Variants in ZNF804B observed in about 807,000 individuals in gnomAD.
ZNF804B encodes the protein zinc finger 804B.
In ZNF804B, 80 loss-of-function variants were observed where a neutral mutation model predicts 101.4. The ratio of observed to expected loss-of-function variants is 0.79; its 90% CI spans 0.66 to 0.95. The LOEUF is 0.95. Among genes scored for constraint, ZNF804B ranks in the 40% least tolerant of loss-of-function variants. The pLI is 0.00. For missense variants in ZNF804B, 1,673 were observed against 1,561.9 expected (o/e 1.07, Z -1.20); for synonymous variants, 622 against 558.8 (o/e 1.11, Z -1.59).
At chr7:88,824,511 T>G (rs181815433) in intron 1 of ZNF804B, among the ~76,000 whole-genome samples, 1 of 152,290 alleles carries the variant, frequency 6.6e-6, no homozygotes, top group Non-Finnish European at 1.5e-5. Flanking sequence ...TCTCAGGTAT[T>G]TCTTCATAGC....
intron 1 of ZNF804B, among the ~76,000 whole-genome samples, chr7:88,976,125 C>A (rs551754034): frequency 6.6e-6 from 1 of 151,342 alleles, no homozygotes; most frequent in Admixed American, 6.6e-5. Context: ...TTCCATTGGT[C>A]TGTAGCATAA....
chr7:89,204,828 A>G (rs919084267), intron 1 of ZNF804B, among the ~76,000 whole-genome samples: 3 of 152,210 alleles, frequency 2.0e-5, no homozygotes, highest in African/African-American at 4.8e-5. Context: ...AGAAAAAGCA[A>G]GTACACATAG....
At chr7:88,828,984 C>T (rs1439900014) in intron 1 of ZNF804B, among the ~76,000 whole-genome samples, 1 of 152,122 alleles carries the variant, frequency 6.6e-6, no homozygotes, top group Non-Finnish European at 1.5e-5. Flanking sequence ...AGCTACTGAA[C>T]TGTTATGTGG....
intron 1 of ZNF804B, among the ~76,000 whole-genome samples, chr7:89,061,914 A>G (rs538429017): frequency 9.2e-5 from 14 of 152,084 alleles, no homozygotes; most frequent in African/African-American, 3.4e-4. Context: ...TCTGTATACT[A>G]TATGTATACT....
intron 2 of ZNF804B, among the ~76,000 whole-genome samples, chr7:89,267,254 T>A (rs117064434): frequency 0.033 from 5,007 of 152,218 alleles, 112 homozygotes; most frequent in Non-Finnish European, 0.048. Flanking sequence ...ATTCCCTCTC[T>A]CCTTTGTGAA....
intron 1 of ZNF804B, among the ~76,000 whole-genome samples, chr7:89,104,003 C>A (rs1790097900): frequency 6.6e-6 from 1 of 151,684 alleles, no homozygotes; most frequent in South Asian, 2.1e-4. Flanking sequence ...GGTTTTTGTT[C>A]TCAGCATTGT....
intron 1 of ZNF804B, among the ~76,000 whole-genome samples, chr7:88,908,729 G>C (rs1384167309): frequency 3.3e-5 from 5 of 151,680 alleles, no homozygotes; most frequent in African/African-American, 1.2e-4. Context: ...AGTGTCATCT[G>C]ACTATTTTTA....
intron 1 of ZNF804B, among the ~76,000 whole-genome samples, chr7:89,112,763 A>G (rs1376050984): frequency 6.6e-6 from 1 of 152,194 alleles, no homozygotes; most frequent in Non-Finnish European, 1.5e-5. Context: ...TTAAGTAAAG[A>G]GTGAAGAGAG....
chr7:88,775,259 G>T (rs1790124427), intron 1 of ZNF804B, among the ~76,000 whole-genome samples: 1 of 152,164 alleles, frequency 6.6e-6, no homozygotes, highest in Admixed American at 6.6e-5. Flanking sequence ...CATGAAGAAT[G>T]AGGAGGAGCT....
chr7:88,973,142 G>GT (rs35965586), intron 1 of ZNF804B, among the ~76,000 whole-genome samples: 2,659 of 138,228 alleles, frequency 0.019, 55 homozygotes, highest in African/African-American at 0.049. Context: ...CCACTCAAGG[G>GT]TTTTTTTTTT....
chr7:88,854,566 C>T (rs1435386092), intron 1 of ZNF804B, among the ~76,000 whole-genome samples: 2 of 133,782 alleles, frequency 1.5e-5, no homozygotes, highest in Non-Finnish European at 3.1e-5. Context: ...TTCCTTCCTT[C>T]CTTCCTTCCT....
intron 1 of ZNF804B, among the ~76,000 whole-genome samples, chr7:88,985,510 A>C (rs990348188): frequency 1.7e-4 from 26 of 152,050 alleles, no homozygotes; most frequent in African/African-American, 6.3e-4. Context: ...GGAGAGTCTC[A>C]TGATTCCCTC....
At chr7:88,787,161 A>G (rs940837052) in intron 1 of ZNF804B, among the ~76,000 whole-genome samples, 5 of 152,172 alleles carry the variant, frequency 3.3e-5, no homozygotes, top group Non-Finnish European at 4.4e-5. Flanking sequence ...AGAAAAGACT[A>G]TGAGAAAGGA....
At chr7:89,123,148 C>G (rs955551890) in intron 1 of ZNF804B, among the ~76,000 whole-genome samples, 2 of 106,768 alleles carry the variant, frequency 1.9e-5, no homozygotes, top group East Asian at 3.0e-4. Flanking sequence ...GCCCCAGGAC[C>G]AAGTTCAGCT....
intron 2 of ZNF804B, among the ~76,000 whole-genome samples, chr7:89,280,986 A>G (rs1790085572): frequency 6.6e-6 from 1 of 152,210 alleles, no homozygotes; most frequent in African/African-American, 2.4e-5. Context: ...AGTGTTTTGT[A>G]GTAAATTTCA....
At chr7:89,064,903 G>A (rs758052848) in intron 1 of ZNF804B, among the ~76,000 whole-genome samples, 6 of 152,112 alleles carry the variant, frequency 3.9e-5, no homozygotes, top group African/African-American at 1.4e-4. Flanking sequence ...AAGAGTCATC[G>A]AGAAAGGCAA....
intron 1 of ZNF804B, among the ~76,000 whole-genome samples, chr7:88,866,381 G>A (rs1357449278): frequency 6.6e-6 from 1 of 152,042 alleles, no homozygotes; most frequent in Non-Finnish European, 1.5e-5. Flanking sequence ...TTTATAACTT[G>A]TCTTGGTTAA....
chr7:88,823,917 A>T (rs975328264), intron 1 of ZNF804B, among the ~76,000 whole-genome samples: 1 of 152,174 alleles, frequency 6.6e-6, no homozygotes, highest in South Asian at 2.1e-4. Flanking sequence ...CACCCCAGAA[A>T]GAATGAGCAG....
intron 1 of ZNF804B, among the ~76,000 whole-genome samples, chr7:89,139,876 G>A (rs149443406): frequency 3.3e-5 from 5 of 152,074 alleles, no homozygotes; most frequent in Admixed American, 1.3e-4. Flanking sequence ...AATCACACAC[G>A]TTCTTGATAG....
Sources: gnomAD v4.1 joint callset for allele counts (sites outside exome capture counted in the v4.1 genomes callset) on GRCh38, gnomAD v4.1.1 for gene constraint, MANE v1.5 for transcripts, NCBI Gene and HGNC (gene_info 2026-07-23, HGNC 2026-07-21) for gene names.